Variants in ZNF362 observed in about 807,000 individuals in gnomAD.
ZNF362 encodes the protein rotund homolog.
ZNF362 carries 11 observed loss-of-function variants against 42.9 expected under a neutral mutation model. The ratio of observed to expected loss-of-function variants is 0.26; its 90% CI spans 0.16 to 0.42. The LOEUF (loss-of-function observed/expected upper bound fraction) is 0.42. ZNF362 is among the 20% of genes least tolerant of loss of function. The pLI, the probability that ZNF362 is intolerant of heterozygous loss-of-function variation, is 1.00. For missense variants in ZNF362, 362 were observed against 576.2 expected (o/e 0.63, Z 3.81); for synonymous variants, 255 against 257.3 (o/e 0.99, Z 0.09).
chr1:33,162,645 C>G, the ZNF362 span, among the ~76,000 whole-genome samples: 2 of 152,158 alleles, frequency 1.3e-5, no homozygotes, highest in South Asian at 4.1e-4. Flanking sequence ...CAGCTTCTTT[C>G]CAGGCTGGGG....
At chr1:33,141,021 C>T in the ZNF362 span, among the ~76,000 whole-genome samples, 1 of 152,142 alleles carries the variant, frequency 6.6e-6, no homozygotes, top group African/African-American at 2.4e-5. Context: ...CTGCAGGCTG[C>T]TGTCTTTGCA....
At chr1:33,222,551 T>C in the ZNF362 span, among the ~76,000 whole-genome samples, 8 of 152,256 alleles carry the variant, frequency 5.3e-5, no homozygotes, top group East Asian at 1.5e-3. Context: ...TTTCCAGTAA[T>C]TTCCTACTGT....
the ZNF362 span, chr1:33,195,614 A>G: frequency 3.3e-4 from 49 of 149,580 alleles, no homozygotes; most frequent in African/African-American, 1.2e-3. Flanking sequence ...ACACAATGGT[A>G]AGTATTTGTG....
the ZNF362 span, among the ~76,000 whole-genome samples, chr1:33,180,370 C>T: frequency 0.75 from 114,083 of 151,930 alleles, 42,832 homozygotes; most frequent in Admixed American, 0.78. Flanking sequence ...GTAGAGTATC[C>T]GGACCTGATC....
the ZNF362 span, chr1:33,194,750 A>C: frequency 6.6e-6 from 1 of 152,058 alleles, no homozygotes; most frequent in Non-Finnish European, 1.5e-5. Context: ...GGATTAAATG[A>C]GTTTATAGTT....
At chr1:33,195,055 C>T in the ZNF362 span, 1 of 152,076 alleles carries the variant, frequency 6.6e-6, no homozygotes, top group East Asian at 1.9e-4. Flanking sequence ...ATCTGAAAAG[C>T]CATCAGAAAT....
the ZNF362 span, chr1:33,165,588 G>T: frequency 1.3e-6 from 2 of 1,589,830 alleles, no homozygotes; most frequent in Non-Finnish European, 1.7e-6. This position sits in a 1 kb window ranked among gnomAD's most constrained non-coding sequence, Gnocchi z 4.0. Context: ...ACAGGGCCGG[G>T]ATGGGGGCAG....
upstream of ZNF362, among the ~76,000 whole-genome samples, chr1:33,253,786 C>T (rs1645772245): frequency 6.6e-6 from 1 of 152,116 alleles, no homozygotes; most frequent in Non-Finnish European, 1.5e-5. Context: ...GTGTTAGGTG[C>T]TGTGATGGGC....
At chr1:33,215,593 T>C in the ZNF362 span, among the ~76,000 whole-genome samples, 4 of 152,146 alleles carry the variant, frequency 2.6e-5, no homozygotes, top group South Asian at 6.2e-4. Context: ...TTATTACACA[T>C]TGAGTGCCTG....
At chr1:33,248,349 G>A in the ZNF362 span, among the ~76,000 whole-genome samples, 1 of 152,162 alleles carries the variant, frequency 6.6e-6, no homozygotes, top group Non-Finnish European at 1.5e-5. Flanking sequence ...ATAACCCCCA[G>A]CTCACTGCTG....
At chr1:33,246,576 A>G in the ZNF362 span, among the ~76,000 whole-genome samples, 1 of 152,200 alleles carries the variant, frequency 6.6e-6, no homozygotes. Flanking sequence ...GTCTGAAGTC[A>G]AGCCCACCTG....
the ZNF362 span, among the ~76,000 whole-genome samples, chr1:33,232,892 G>A: frequency 6.6e-6 from 1 of 152,164 alleles, no homozygotes; most frequent in African/African-American, 2.4e-5. Flanking sequence ...GTGCAGAGGT[G>A]GAGGCTGGAA....
the ZNF362 span, among the ~76,000 whole-genome samples, chr1:33,130,417 C>T: frequency 8.8e-3 from 1,343 of 152,366 alleles, 13 homozygotes; most frequent in Non-Finnish European, 0.014. Flanking sequence ...CTCTTGCTCA[C>T]TTGCTCTTAG....
At chr1:33,268,062 CTCAT>C (rs1459721879) in intron 1 of ZNF362, among the ~76,000 whole-genome samples, 2 of 152,184 alleles carry the variant, frequency 1.3e-5, no homozygotes, top group African/African-American at 4.8e-5. Context: ...ACAGGTTAAA[CTCAT>C]TGAATTTTCA....
Position 33,266,897 on chromosome 1 carries a change from G to A in ZNF362, c.-88-3590G>A, listed in dbSNP as rs769368025. 3.9e-5 allele frequency among the ~76,000 whole-genome samples: 6 copies of A among 152,230 alleles called. No individual in the cohort carries two copies. The highest frequency in any genetic ancestry group is 1.3e-4 in the Admixed American group (2 of 15,284). ...TTGGCGAAAACCCGAGCATCAGACT[G>A]TGGAGTTTGAACTATACCCCAAAAG... On this transcript the variant is annotated intron_variant, in intron 1 of 8. Coordinates refer to ENST00000539719, the MANE Select transcript of ZNF362 (RefSeq NM_152493.3). The surrounding 1 kb of genome is among the most constrained non-coding windows in gnomAD (Gnocchi z 4.3).
At chr1:33,220,617 G>T in the ZNF362 span, among the ~76,000 whole-genome samples, 5 of 152,162 alleles carry the variant, frequency 3.3e-5, no homozygotes, top group South Asian at 2.1e-4. Flanking sequence ...CTGAGGGCAG[G>T]CCTCAGGAGT....
chr1:33,181,423 T>A, the ZNF362 span: 1 of 1,596,186 alleles, frequency 6.3e-7, no homozygotes, highest in Admixed American at 1.7e-5. This position sits in a 1 kb window ranked among gnomAD's most constrained non-coding sequence, Gnocchi z 6.5. Flanking sequence ...TCCTTGAGGC[T>A]GCACGCCATG....
At chr1:33,132,191 CT>C in the ZNF362 span, among the ~76,000 whole-genome samples, 1 of 152,230 alleles carries the variant, frequency 6.6e-6, no homozygotes, top group Non-Finnish European at 1.5e-5. Context: ...CTGCCTACTG[CT>C]TTTTTCCCAC....
chr1:33,205,949 T>C, the ZNF362 span, among the ~76,000 whole-genome samples: 7 of 151,814 alleles, frequency 4.6e-5, no homozygotes, highest in African/African-American at 1.7e-4. Context: ...GATAGACAAA[T>C]AGATCAATAG....
Sources: allele counts gnomAD v4.1 joint callset (sites outside exome capture counted in the v4.1 genomes callset), GRCh38; gene constraint gnomAD v4.1.1; non-coding constraint Gnocchi (gnomAD v3.1); transcripts MANE v1.5; gene names NCBI Gene and HGNC (gene_info 2026-07-23, HGNC 2026-07-21).